LPIN1: variants seen among roughly 807,000 people sequenced by gnomAD.
LPIN1 encodes the protein phosphatidate phosphatase LPIN1.
LPIN1 carries 71 observed loss-of-function variants against 107.5 expected under a neutral mutation model. The observed-to-expected ratio is 0.66, with a 90% CI of 0.55 to 0.80. The LOEUF (loss-of-function observed/expected upper bound fraction) is 0.80. LPIN1 is among the 30% of genes least tolerant of loss of function. The probability of loss-of-function intolerance (pLI) is 0.00; values close to 1 mark genes in which losing one functional copy is unlikely to be tolerated. For synonymous variants in LPIN1, 445 were observed against 452.6 expected, an observed-to-expected ratio of 0.98 and a Z score of 0.21; for missense variants, 1,043 against 1,160.6, an observed-to-expected ratio of 0.90 and a Z score of 1.47.
At position 11,767,832 on chromosome 2, in the gene LPIN1, T is replaced by G; in HGVS notation, c.262T>G (p.Phe88Val). 1 of 1,612,468 alleles carries G rather than the reference T, an allele frequency of 6.2e-7. No individual in the cohort carries two copies. Among genetic ancestry groups the G allele is most frequent in the Non-Finnish European group, 8.5e-7 (1 of 1,178,416 alleles). ...MKLGDNGEAF[F>V]VQETDNDQEV... ...ATTGGGAGATAATGGAGAAGCATTT[T>G]TTGTTCAAGAAACAGATAATGATCA... The change falls in exon 3 of 21, where the codon TTT becomes GTT. Residue 88 changes from phenylalanine to valine, a missense_variant. Transcript: ENST00000674199.
At chr2:11,678,661 G>A (rs1661552348) in intron 1 of LPIN1, among the ~76,000 whole-genome samples, 1 of 152,198 alleles carries the variant, frequency 6.6e-6, no homozygotes, top group Non-Finnish European at 1.5e-5. Context: ...CATCCTCAGG[G>A]CAGTGCCTTC....
Position 11,776,080 on chromosome 2 carries a change from A to T in LPIN1, c.723-6A>T. 1 of 1,531,766 alleles carries T rather than the reference A, an allele frequency of 6.5e-7. No homozygotes were observed. Among genetic ancestry groups the T allele is most frequent in the Non-Finnish European group, 8.8e-7 (1 of 1,131,542 alleles). 94.9% of individuals were successfully genotyped at this position (1,531,766 alleles called of 1,614,324 possible). On this transcript the variant is annotated splice_region_variant and splice_polypyrimidine_tract_variant and intron_variant, in intron 5 of 20. Coordinates refer to ENST00000674199, the MANE Select transcript of LPIN1 (RefSeq NM_001349206.2). Reference sequence around the variant, plus strand: ...CTTTTAATGTGTATCACGTGGTGGTATCCAGTAGCCTGGTAGATTGCAAAA... The same window carrying T: ...CTTTTAATGTGTATCACGTGGTGGTTTCCAGTAGCCTGGTAGATTGCAAAA...
At position 11,765,978 on chromosome 2, in the gene LPIN1, A is replaced by T. The variant is rs1670814002; in HGVS notation, c.192+245A>T. 6.6e-6 allele frequency among the ~76,000 whole-genome samples: 1 copy of T among 152,228 alleles called. No homozygotes were observed. Among genetic ancestry groups the T allele is most frequent in the South Asian group, 2.1e-4 (1 of 4,836 alleles). On this transcript the variant is annotated intron_variant, in intron 2 of 20. Transcript: ENST00000674199. The surrounding 1 kb of genome is among the most constrained non-coding windows in gnomAD (Gnocchi z 4.4). ...GTATCTGTGGGTCAGGAATTTAGGC[A>T]GAGCACAGTGGGGTGGTTTGTCTCT...
intron 1 of LPIN1, among the ~76,000 whole-genome samples, chr2:11,737,583 AC>A (rs1246755113): frequency 3.3e-5 from 5 of 152,360 alleles, no homozygotes; most frequent in African/African-American, 1.2e-4. Flanking sequence ...AAGGATATGA[AC>A]AGACAGTTCT....
intron 14 of LPIN1, among the ~76,000 whole-genome samples, chr2:11,796,215 G>A (rs534712362): frequency 6.6e-6 from 1 of 152,238 alleles, no homozygotes; most frequent in South Asian, 2.1e-4. Context: ...GATTAATTGG[G>A]GCCAGATCCA....
chr2:11,730,309 T>G (rs534199212), intron 1 of LPIN1, among the ~76,000 whole-genome samples: 1 of 152,344 alleles, frequency 6.6e-6, no homozygotes, highest in South Asian at 2.1e-4. Context: ...AGGACAGTTT[T>G]GTTTCTGACA....
intron 14 of LPIN1, among the ~76,000 whole-genome samples, chr2:11,801,841 A>C (rs969025545): frequency 5.3e-5 from 8 of 152,234 alleles, no homozygotes; most frequent in African/African-American, 1.9e-4. Context: ...TATGCATGAT[A>C]TTTTGATAAA....
intron 1 of LPIN1, among the ~76,000 whole-genome samples, chr2:11,700,395 T>C (rs1662806801): frequency 1.3e-5 from 2 of 152,224 alleles, no homozygotes; most frequent in African/African-American, 2.4e-5. Flanking sequence ...CACTGGTTTG[T>C]GTGACCTTCA....
At chr2:11,715,172 T>C (rs1016569407) in intron 2 of LPIN1, among the ~76,000 whole-genome samples, 2 of 152,096 alleles carry the variant, frequency 1.3e-5, no homozygotes, top group South Asian at 2.1e-4. Flanking sequence ...GCAGGCCACA[T>C]AGTCATGGAG....
intron 3 of LPIN1, 148 bp downstream of exon 3, chr2:11,768,006 G>C: frequency 4.3e-6 from 3 of 702,448 alleles, no homozygotes; most frequent in Non-Finnish European, 7.9e-6. Context: ...TGATCTGTGT[G>C]GGGGATTTGA....
chr2:11,788,806 G>A (rs774673059), intron 12 of LPIN1, among the ~76,000 whole-genome samples: 5 of 152,214 alleles, frequency 3.3e-5, no homozygotes, highest in African/African-American at 4.8e-5. Context: ...TGGAAAGGTG[G>A]AGCAGGCATC....
chr2:11,694,913 T>C (rs1031752106), intron 1 of LPIN1, among the ~76,000 whole-genome samples: 5 of 152,186 alleles, frequency 3.3e-5, no homozygotes, highest in African/African-American at 1.2e-4. Context: ...ATGAACCCAT[T>C]TTCTCCACCC....
intron 18 of LPIN1, chr2:11,818,654 C>T (rs1305455031): frequency 3.3e-5 from 5 of 151,372 alleles, no homozygotes; most frequent in African/African-American, 1.2e-4. Flanking sequence ...GTATGTATAA[C>T]TTTTATTTAT....
In LPIN1 at chr2:11,776,081, T is replaced by C. The variant is rs925400137; in HGVS notation, c.723-5T>C. On this transcript the variant is annotated splice_region_variant and splice_polypyrimidine_tract_variant and intron_variant, in intron 5 of 20. Coordinates refer to ENST00000674199, the MANE Select transcript of LPIN1 (RefSeq NM_001349206.2). ...TTTTAATGTGTATCACGTGGTGGTA[T>C]CCAGTAGCCTGGTAGATTGCAAAAG... 3.3e-6 allele frequency: 5 copies of C among 1,532,974 alleles called. No individual in the cohort carries two copies. The highest frequency in any genetic ancestry group is 1.2e-5 in the South Asian group (1 of 83,118). 95.0% of individuals were successfully genotyped at this position (1,532,974 alleles called of 1,614,324 possible).
rs570927207 is a variant in LPIN1, at chr2:11,755,366, G to C, written c.-10+8695G>C. Among the ~76,000 whole-genome samples the C allele has an allele frequency of 1.1e-4, 17 of 152,248 alleles. 1 individual carries two copies. The South Asian group carries it at 3.1e-3, about 28-fold the overall frequency. ...GGTGCATCTTGCTGTTTTACACTCT[G>C]GAATGTCGTGATGGGACCAAAAATA... is the stretch of plus-strand genomic sequence containing the variant. On this transcript the variant is annotated intron_variant, in intron 1 of 20. Coordinates refer to ENST00000674199, the MANE Select transcript of LPIN1 (RefSeq NM_001349206.2).
chr2:11,726,185 G>A (rs986356834), intron 1 of LPIN1, among the ~76,000 whole-genome samples: 6 of 152,100 alleles, frequency 3.9e-5, no homozygotes, highest in Non-Finnish European at 5.9e-5. Flanking sequence ...TGAAATGTCC[G>A]CCATAGCCAG....
intron 1 of LPIN1, among the ~76,000 whole-genome samples, chr2:11,748,715 T>C (rs73185109): frequency 2.6e-5 from 4 of 152,082 alleles, no homozygotes; most frequent in Admixed American, 6.5e-5. Flanking sequence ...CCGGACCATC[T>C]GTGTACTGGG....
intron 1 of LPIN1, among the ~76,000 whole-genome samples, chr2:11,710,735 G>A (rs1663364465): frequency 6.6e-6 from 1 of 152,138 alleles, no homozygotes; most frequent in African/African-American, 2.4e-5. Context: ...AGGCCACACA[G>A]CTCCTAGTAG....
At chr2:11,695,447 A>G (rs1662523382) in intron 1 of LPIN1, among the ~76,000 whole-genome samples, 1 of 152,158 alleles carries the variant, frequency 6.6e-6, no homozygotes, top group Non-Finnish European at 1.5e-5. Flanking sequence ...AAGCCAGTGC[A>G]GAGGCCCTAA....
Sources: allele counts gnomAD v4.1 joint callset (sites outside exome capture counted in the v4.1 genomes callset), GRCh38; gene constraint gnomAD v4.1.1; non-coding constraint Gnocchi (gnomAD v3.1); transcripts MANE v1.5; gene names NCBI Gene and HGNC (gene_info 2026-07-23, HGNC 2026-07-21).